CHL1: variants seen among roughly 807,000 people sequenced by gnomAD.
The protein encoded by CHL1 is neural cell adhesion molecule L1-like protein.
Under a neutral mutation model 141.9 loss-of-function variants are expected in CHL1, and 96 were observed. The observed-to-expected ratio is 0.68, with a 90% CI of 0.57 to 0.80. The LOEUF is 0.80. CHL1 is among the 30% of genes least tolerant of loss of function. The probability of loss-of-function intolerance (pLI) is 0.00; values close to 1 mark genes in which losing one functional copy is unlikely to be tolerated. For synonymous variants in CHL1, 613 were observed against 502.2 expected, an observed-to-expected ratio of 1.22 and a Z score of -2.95; for missense variants, 1,820 against 1,457.2, an observed-to-expected ratio of 1.25 and a Z score of -4.05.
chr3:271,653 C>T lies in CHL1; in HGVS notation c.-95+26961C>T, dbSNP rs142558839. 7.2e-5 allele frequency among the ~76,000 whole-genome samples: 11 copies of T among 152,078 alleles called. No homozygotes were observed. The East Asian group carries it at 2.1e-3, about 29-fold the overall frequency. Reference sequence around the variant, plus strand: ...ATGAACATTGGCATAAATAGAAAGCCAGCGCGCAGAGCAGAGAAGGCTGAT... The same window carrying T: ...ATGAACATTGGCATAAATAGAAAGCTAGCGCGCAGAGCAGAGAAGGCTGAT... On this transcript the variant is annotated intron_variant, in intron 2 of 27. Transcript: ENST00000256509.
intron 5 of CHL1, 106 bp from the exon 6 acceptor site, chr3:340,688 T>C (rs1575111791): frequency 3.2e-6 from 3 of 941,906 alleles, no homozygotes; most frequent in Non-Finnish European, 4.7e-6. Context: ...TAGCATAGAA[T>C]TTATTTAAAT....
chr3:236,417 G>A (rs1474964584), intron 1 of CHL1, among the ~76,000 whole-genome samples: 1 of 152,224 alleles, frequency 6.6e-6, no homozygotes, highest in East Asian at 1.9e-4. Context: ...TATAGGGAAG[G>A]GAAGTGTTCT....
At chr3:370,903 T>C (rs901828440) in intron 15 of CHL1, among the ~76,000 whole-genome samples, 6 of 152,206 alleles carry the variant, frequency 3.9e-5, no homozygotes, top group Non-Finnish European at 7.3e-5. Flanking sequence ...TTCCATGTAG[T>C]TGTGTGGTTT....
intron 1 of CHL1, among the ~76,000 whole-genome samples, chr3:232,465 T>TTTA (rs1701951349): frequency 6.6e-6 from 1 of 152,188 alleles, no homozygotes; most frequent in African/African-American, 2.4e-5. Context: ...TATAGCCTAC[T>TTTA]TTATTTTTTG....
rs115779241 is a variant in CHL1 at position 208,337 on chromosome 3, A to G, written c.-175+11274A>G. ...ACAGTAAAACAATCTGCCACAGCCT[A>G]GTATTTACTGCCTCAATTAAGCATG... On this transcript the variant is annotated intron_variant, in intron 1 of 27. Transcript: ENST00000256509. Among the ~76,000 whole-genome samples, 1,375 of 148,024 alleles carry G rather than the reference A, an allele frequency of 9.3e-3. 87 individuals carry two copies. Among genetic ancestry groups the G allele is most frequent in the African/African-American group, 0.035 (1,324 of 37,532 alleles).
rs147158616 is a variant in CHL1 at position 202,250 on chromosome 3, T to C, written c.-175+5187T>C. The stretch of plus-strand genomic sequence containing the variant: ...AGATTAGTAGCACGGTTTTTTATTG[T>C]AGTGATAATTATCCTTCTATATCAT... On this transcript the variant is annotated intron_variant, in intron 1 of 27. Coordinates refer to ENST00000256509, the MANE Select transcript of CHL1 (RefSeq NM_006614.4). 1.7e-3 allele frequency among the ~76,000 whole-genome samples: 255 copies of C among 152,320 alleles called. 1 individual carries two copies. The highest frequency in any genetic ancestry group is 5.8e-3 in the African/African-American group (239 of 41,558).
chr3:292,793 G>A (rs968532383), intron 2 of CHL1, among the ~76,000 whole-genome samples: 2 of 152,092 alleles, frequency 1.3e-5, no homozygotes, highest in East Asian at 3.9e-4. Flanking sequence ...GAGAGAGTGG[G>A]GGAGGCGCCA....
chr3:269,732 G>A (rs1028451608), intron 2 of CHL1, among the ~76,000 whole-genome samples: 1 of 152,126 alleles, frequency 6.6e-6, no homozygotes, highest in African/African-American at 2.4e-5. Context: ...AACCATGTTG[G>A]TCACGCTGGT....
chr3:372,764 G>C (rs1302247500), intron 15 of CHL1, among the ~76,000 whole-genome samples: 2 of 151,306 alleles, frequency 1.3e-5, no homozygotes, highest in East Asian at 3.9e-4. Flanking sequence ...GCTGACACTT[G>C]GATGGGGTTT....
chr3:308,503 G>A (rs1699443388), intron 2 of CHL1, among the ~76,000 whole-genome samples: 1 of 151,534 alleles, frequency 6.6e-6, no homozygotes, highest in Non-Finnish European at 1.5e-5. Flanking sequence ...CAAAACATTG[G>A]GAGATATAGA....
chr3:336,339 G>A (rs992399569), intron 5 of CHL1, among the ~76,000 whole-genome samples: 3 of 152,106 alleles, frequency 2.0e-5, no homozygotes, highest in African/African-American at 7.2e-5. Flanking sequence ...GCATAACATG[G>A]TAGCGGTTAA....
At position 407,951 on chromosome 3, in the gene CHL1, T is replaced by A. The variant is rs1228722689; in HGVS notation, c.*2240T>A. 6.6e-6 allele frequency: 1 copy of A among 152,134 alleles called. No homozygotes were observed. Among genetic ancestry groups the A allele is most frequent in the Admixed American group, 6.6e-5 (1 of 15,254 alleles). 9.4% of individuals were successfully genotyped at this position (152,134 alleles called of 1,614,324 possible). A position where few individuals can be genotyped will look rare whatever the true frequency, so the allele number is the denominator to read the frequency against. On this transcript the variant is annotated 3_prime_UTR_variant, in exon 28 of 28. Transcript: ENST00000256509. ...ATTGAATGATGACTATGCTTTGCTA[T>A]CATTGTTACCTTTCCTCAATACTAT...
intron 2 of CHL1, among the ~76,000 whole-genome samples, chr3:270,741 G>T (rs1695564580): frequency 6.6e-6 from 1 of 152,200 alleles, no homozygotes. Context: ...GTTGTTAGCT[G>T]GGGCTGCAGT....
chr3:357,807 C>T (rs1351574084), intron 11 of CHL1, among the ~76,000 whole-genome samples: 1 of 152,164 alleles, frequency 6.6e-6, no homozygotes. Context: ...TAATTTCTTA[C>T]TTTTGTAATG....
intron 1 of CHL1, among the ~76,000 whole-genome samples, chr3:218,744 A>G (rs932520052): frequency 1.8e-4 from 28 of 152,228 alleles, no homozygotes; most frequent in African/African-American, 6.3e-4. Context: ...ATTTATGAGG[A>G]AAAAGACAAC....
At chr3:299,106 G>A (rs921531876) in intron 2 of CHL1, among the ~76,000 whole-genome samples, 13 of 152,132 alleles carry the variant, frequency 8.5e-5, no homozygotes, top group South Asian at 2.1e-4. Context: ...ATTATCTGAC[G>A]TGAAATGAAA....
intron 14 of CHL1, 84 bp downstream of exon 14, chr3:363,467 T>A: frequency 8.3e-7 from 1 of 1,206,252 alleles, no homozygotes; most frequent in Non-Finnish European, 1.2e-6. Context: ...TAATACCATT[T>A]AAGTTGGAGT....
At chr3:371,491 A>G (rs1705626731) in intron 15 of CHL1, among the ~76,000 whole-genome samples, 1 of 152,074 alleles carries the variant, frequency 6.6e-6, no homozygotes, top group Admixed American at 6.6e-5. Flanking sequence ...TTTTGAATCT[A>G]TGTGTGTCTT....
At position 343,009 on chromosome 3, in the gene CHL1, A is replaced by T. The variant is rs768547457; in HGVS notation, c.705A>T (p.Ser235=). Residue 235 remains serine, a synonymous_variant, in exon 8 of 28, where the codon TCA becomes TCT. Transcript: ENST00000256509. ...TAAAGCATGCTAATGACTCAAGTTCATCCACAGAAATTGGTTCCAAGGGTA... is the reference window on the plus strand; with the variant it reads ...TAAAGCATGCTAATGACTCAAGTTCTTCCACAGAAATTGGTTCCAAGGGTA... ...NSLKHANDSS[S]STEIGSKANS... The T allele has an allele frequency of 4.4e-6, 7 of 1,608,582 alleles. No individual in the cohort carries two copies. The highest frequency in any genetic ancestry group is 1.3e-5 in the African/African-American group (1 of 74,528).
Sources: allele counts gnomAD v4.1 joint callset (sites outside exome capture counted in the v4.1 genomes callset), GRCh38; gene constraint gnomAD v4.1.1; transcripts MANE v1.5; gene names NCBI Gene and HGNC (gene_info 2026-07-23, HGNC 2026-07-21).